Variants in NRDC observed in about 807,000 individuals in gnomAD.
The protein encoded by NRDC is nardilysin.
A neutral mutation model predicts 147.1 loss-of-function variants in NRDC; 54 were observed. The ratio of observed to expected loss-of-function variants is 0.37; its 90% confidence interval spans 0.29 to 0.46. NRDC has a LOEUF of 0.46. Among genes scored for constraint, NRDC ranks in the 20% least tolerant of loss-of-function variants. NRDC has a pLI of 1.00. For missense variants in NRDC, 1,082 were observed against 1,370.6 expected (o/e 0.79, Z 3.33); for synonymous variants, 440 against 482.1 (o/e 0.91, Z 1.14).
In NRDC at chr1:51,878,582, C is replaced by T. The variant is rs188338019; in HGVS notation, c.34G>A (p.Ala12Thr). Residue 12 changes from alanine (A) to threonine (T), a missense_variant, in exon 1 of 31, where the codon GCC becomes ACC. Ala to Thr is a moderately conservative substitution (Grantham distance 58, BLOSUM62 0). Around this residue, in one of 3 missense-constraint regions of NRDC, gnomAD observed 260 missense variants for 253.2 expected, o/e 1.03. Transcript: ENST00000352171. ...LRRVTVAAVC[A>T]TRRKLCEAGR... ...GCCTCACACAACTTCCTCCGGGTGGCACAGACTGCAGCAACAGTGACTCTC... is the reference window on the plus strand; with the variant it reads ...GCCTCACACAACTTCCTCCGGGTGGTACAGACTGCAGCAACAGTGACTCTC... 1.2e-6 allele frequency: 2 copies of T among 1,613,054 alleles called. No individual in the cohort carries two copies. The highest frequency in any genetic ancestry group is 2.2e-5 in the South Asian group (2 of 90,926).
chr1:51,806,994 A>G (rs777363369), intron 17 of NRDC, 81 bp from the exon 18 acceptor site: 40 of 1,519,796 alleles, frequency 2.6e-5, no homozygotes, highest in Non-Finnish European at 3.1e-5. Context: ...CAGAAGTCTA[A>G]GTAACTTTTC....
In NRDC at chr1:51,834,020, T is replaced by C. The variant is rs762499219; in HGVS notation, c.863A>G (p.Asp288Gly). 3 of 1,613,570 alleles carry C rather than the reference T, an allele frequency of 1.9e-6. No individual in the cohort carries two copies. Among genetic ancestry groups the C allele is most frequent in the Non-Finnish European group, 2.5e-6 (3 of 1,179,636 alleles). Reference sequence around the variant, plus strand: ...AAGTATATTTAGAGTTAGTTACCTATCAAGAGCTTCCTTGAAGTACTTCCT... The same window carrying C: ...AAGTATATTTAGAGTTAGTTACCTACCAAGAGCTTCCTTGAAGTACTTCCT... Reference protein sequence around the residue: ...VQRKYFKEALDRWAQFFIHPL... With the variant: ...VQRKYFKEALGRWAQFFIHPL... The change falls in exon 4 of 31, where the codon GAT (aspartate) becomes GGT (glycine). Residue 288 changes from aspartate (D) to glycine (G), a missense_variant. By Grantham distance (94) the Asp-to-Gly change is moderately conservative. Transcript: ENST00000352171.
At chr1:51,812,164 A>G in intron 14 of NRDC, 66 bp from the exon 15 acceptor site, 2 of 1,098,018 alleles carry the variant, frequency 1.8e-6, no homozygotes, top group Non-Finnish European at 2.8e-6. Context: ...ACCACAACAT[A>G]CAAATACTTT....
intron 9 of NRDC, among the ~76,000 whole-genome samples, chr1:51,818,943 C>T: frequency 6.6e-6 from 1 of 152,138 alleles, no homozygotes; most frequent in East Asian, 1.9e-4. Flanking sequence ...AAGCAGGAGA[C>T]AGAATTATAT....
chr1:51,804,051 C>G, intron 19 of NRDC, 87 bp from the exon 20 acceptor site: 2 of 1,169,444 alleles, frequency 1.7e-6, no homozygotes, highest in Non-Finnish European at 2.4e-6. Context: ...TAAGCAGCTT[C>G]ATTTTTAGAA....
At chr1:51,837,532 A>G in intron 2 of NRDC, 1 of 1,591,834 alleles carries the variant, frequency 6.3e-7, no homozygotes, top group Non-Finnish European at 8.6e-7. Flanking sequence ...TGTCTCGACC[A>G]GCAGGGTTGA....
rs186759428 is a variant in NRDC, at chr1:51,867,494, A to C, written c.341+10781T>G. Among the ~76,000 whole-genome samples, 371 of 152,340 alleles carry C rather than the reference A, an allele frequency of 2.4e-3. 4 individuals are homozygous for C. The highest frequency in any genetic ancestry group is 8.6e-3 in the African/African-American group (359 of 41,576). On this transcript the variant is annotated intron_variant, in intron 1 of 30. Transcript: ENST00000352171. ...ATTTAAAGTCATGAGACCGGACAAC[A>C]TACAGAGTAAGGGTAGATGAGAAGT... is the stretch of plus-strand genomic sequence containing the variant.
At chr1:51,874,271 A>G (rs542125042) in intron 1 of NRDC, among the ~76,000 whole-genome samples, 2 of 152,152 alleles carry the variant, frequency 1.3e-5, no homozygotes, top group African/African-American at 4.8e-5. Context: ...TCAATCCAAA[A>G]TACCTAACGT....
Position 51,818,077 on chromosome 1 carries a change from C to T in NRDC, c.1350G>A (p.Gln450=), listed in dbSNP as rs1391516509. The change falls in exon 10 of 31, where the codon CAG becomes CAA. Residue 450 remains glutamine, a synonymous_variant. Coordinates refer to ENST00000352171, the MANE Select transcript of NRDC (RefSeq NM_001101662.2). ...LTITWALPPQ[Q]QHYRVKPLHY... ...CCTTAAACTCTTACCTGTAATGTTG[C>T]TGTTGAGGAGGAAGTGCCCATGTGA... 4 of 1,605,060 alleles carry T rather than the reference C, an allele frequency of 2.5e-6. No individual in the cohort carries two copies. The highest frequency in any genetic ancestry group is 2.2e-5 in the East Asian group (1 of 44,634).
chr1:51,838,063 C>G (rs554695277), intron 2 of NRDC, among the ~76,000 whole-genome samples: 81 of 152,272 alleles, frequency 5.3e-4, no homozygotes, highest in African/African-American at 1.8e-3. Flanking sequence ...TTACCACTTA[C>G]GATCGTGGGA....
At chr1:51,846,264 C>G (rs929811427) in intron 1 of NRDC, among the ~76,000 whole-genome samples, 1 of 152,034 alleles carries the variant, frequency 6.6e-6, no homozygotes, top group African/African-American at 2.4e-5. Context: ...AGGCGTGCAC[C>G]ACCGCACCTG....
Position 51,803,948 on chromosome 1 carries a change from T to C in NRDC, c.2179A>G (p.Ile727Val), listed in dbSNP as rs548306734. The C allele has an allele frequency of 1.1e-4, 175 of 1,605,152 alleles. 4 individuals are homozygous for C. In the South Asian group the frequency reaches 1.9e-3, roughly 17 times the overall value. Residue 727 changes from isoleucine (I) to valine (V), a missense_variant, in exon 20 of 31, where the codon ATC (isoleucine) becomes GTC (valine). Coordinates refer to ENST00000352171, the MANE Select transcript of NRDC (RefSeq NM_001101662.2). ...TTATGCGTAAGGATATTGACAAAGA[T>C]ATCAAAGAGGACCACACTAAGAAGT... is the stretch of plus-strand genomic sequence containing the variant. ...KSAANVVLFDIFVNILTHNLA... is the reference protein window; with the variant it reads ...KSAANVVLFDVFVNILTHNLA...
At chr1:51,875,490 A>G (rs930903250) in intron 1 of NRDC, among the ~76,000 whole-genome samples, 4 of 152,214 alleles carry the variant, frequency 2.6e-5, no homozygotes, top group African/African-American at 7.2e-5. Context: ...GAATTTATCA[A>G]TGTATTTCAT....
chr1:51,851,561 AT>A (rs925995260), intron 1 of NRDC, among the ~76,000 whole-genome samples: 6 of 147,094 alleles, frequency 4.1e-5, no homozygotes, highest in African/African-American at 5.1e-5. Context: ...AAAAAAAATG[AT>A]TTTTTTTTAA....
At chr1:51,829,918 G>A (rs916770959) in intron 4 of NRDC, among the ~76,000 whole-genome samples, 6 of 149,748 alleles carry the variant, frequency 4.0e-5, no homozygotes, top group African/African-American at 1.5e-4. Context: ...GGTCATATTT[G>A]ACAGTTTCTT....
chr1:51,850,189 T>A lies in NRDC; in HGVS notation c.342-9675A>T, dbSNP rs186071443. ...GAGACTCTATCTCAAAAAAAAATAA[T>A]AATAAATAAATAAATAAAAATACAG... On this transcript the variant is annotated intron_variant, in intron 1 of 30. Transcript: ENST00000352171. Among the ~76,000 whole-genome samples the A allele has an allele frequency of 9.8e-3, 1,481 of 151,274 alleles. 8 individuals carry two copies. Among genetic ancestry groups the A allele is most frequent in the African/African-American group, 0.025 (1,019 of 41,274 alleles).
At chr1:51,805,655 C>G in intron 18 of NRDC, 94 bp from the exon 19 acceptor site, 2 of 704,520 alleles carry the variant, frequency 2.8e-6, no homozygotes, top group African/African-American at 1.9e-5. Flanking sequence ...TTTTTAAATT[C>G]TGAAGTAAAC....
intron 18 of NRDC, 120 bp from the exon 19 acceptor site, chr1:51,805,681 C>A: frequency 1.6e-6 from 1 of 623,474 alleles, no homozygotes; most frequent in Non-Finnish European, 2.8e-6. Context: ...ATCCTTAAAT[C>A]CTCATTACAT....
At chr1:51,794,205 C>T in intron 24 of NRDC, 1 of 360,418 alleles carries the variant, frequency 2.8e-6, no homozygotes, top group East Asian at 4.3e-5. Flanking sequence ...GGAGTTCTAT[C>T]AGGGGCACAT....
Sources: gnomAD v4.1 joint callset for allele counts (sites outside exome capture counted in the v4.1 genomes callset) on GRCh38, gnomAD v4.1.1 for gene constraint, gnomAD v4.1.1 regional missense constraint, MANE v1.5 for transcripts, NCBI Gene and HGNC (gene_info 2026-07-23, HGNC 2026-07-21) for gene names.